The following SCGN variants were observed in gnomAD, a reference collection of about 807,000 sequenced individuals.
SCGN encodes secretagogin, EF-hand calcium binding protein.
Under a neutral mutation model 39.7 loss-of-function variants are expected in SCGN, and 30 were observed. The ratio of observed to expected loss-of-function variants is 0.76; its 90% CI spans 0.57 to 1.03. The LOEUF (loss-of-function observed/expected upper bound fraction) is 1.03. SCGN is among the 50% of genes least tolerant of loss of function. The pLI is 0.00. For missense variants in SCGN, 353 were observed against 349.4 expected (o/e 1.01, Z -0.08); for synonymous variants, 106 against 114.1 (o/e 0.93, Z 0.45).
intron 3 of SCGN, among the ~76,000 whole-genome samples, chr6:25,662,950 G>C (rs1347242812): frequency 1.3e-5 from 2 of 152,126 alleles, no homozygotes; most frequent in Non-Finnish European, 2.9e-5. Flanking sequence ...CCTAATTAAC[G>C]AATGAGAAAA....
intron 7 of SCGN, 75 bp from the exon 8 acceptor site, chr6:25,689,097 A>G: frequency 1.0e-6 from 1 of 1,001,826 alleles, no homozygotes; most frequent in South Asian, 1.5e-5. Context: ...TACTTTCCAC[A>G]CACCAGGGCT....
chr6:25,693,756 A>G (rs1020892773), intron 10 of SCGN, among the ~76,000 whole-genome samples: 6 of 152,212 alleles, frequency 3.9e-5, no homozygotes, highest in Non-Finnish European at 8.8e-5. Context: ...TACTATAGAA[A>G]AATGTTGAAA....
chr6:25,655,560 C>T (rs1048939448), intron 2 of SCGN, among the ~76,000 whole-genome samples: 1 of 152,164 alleles, frequency 6.6e-6, no homozygotes, highest in Non-Finnish European at 1.5e-5. Context: ...TGGTGTCCTG[C>T]GCAACTGCAT....
intron 1 of SCGN, among the ~76,000 whole-genome samples, chr6:25,652,915 C>T (rs1437325006): frequency 4.6e-5 from 7 of 152,058 alleles, no homozygotes; most frequent in Non-Finnish European, 8.8e-5. Flanking sequence ...TAAATTTTAT[C>T]AGCTTTCAAA....
chr6:25,700,465 A>G (rs558935760), intron 10 of SCGN, among the ~76,000 whole-genome samples: 1 of 152,234 alleles, frequency 6.6e-6, no homozygotes, highest in African/African-American at 2.4e-5. Flanking sequence ...GGACTGTTGG[A>G]CTATTCTTGG....
intron 7 of SCGN, among the ~76,000 whole-genome samples, chr6:25,685,435 T>G (rs956001471): frequency 6.6e-6 from 1 of 152,202 alleles, no homozygotes; most frequent in Non-Finnish European, 1.5e-5. Context: ...GCCTGGTGCC[T>G]GCAAATACTA....
intron 7 of SCGN, among the ~76,000 whole-genome samples, chr6:25,686,063 C>T (rs1759701989): frequency 6.6e-6 from 1 of 152,164 alleles, no homozygotes; most frequent in Admixed American, 6.5e-5. Flanking sequence ...CATGTTGTAA[C>T]TTTATCCCTT....
intron 2 of SCGN, among the ~76,000 whole-genome samples, chr6:25,659,396 A>C (rs538588112): frequency 1.3e-5 from 2 of 152,320 alleles, no homozygotes; most frequent in East Asian, 3.9e-4. Context: ...GGTGCGGTGG[A>C]AAGTGCACTA....
In SCGN at chr6:25,701,540, GT is replaced by G; in HGVS notation, c.*209del. The G allele has an allele frequency of 2.0e-6, 1 of 498,730 alleles. No individual in the cohort carries two copies. Among genetic ancestry groups the G allele is most frequent in the Non-Finnish European group, 3.3e-6 (1 of 298,802 alleles). 30.9% of individuals were successfully genotyped at this position (498,730 alleles called of 1,614,324 possible). On this transcript the variant is annotated 3_prime_UTR_variant, in exon 11 of 11. Coordinates refer to ENST00000377961, the MANE Select transcript of SCGN (RefSeq NM_006998.4). ...AAAGCCCCTGTGTAGTGTCTGTGTT[GT>G]TTTCCCTTGACCCTGGGCTTTCCTA... is the stretch of plus-strand genomic sequence containing the variant.
At chr6:25,696,846 G>A (rs533205458) in intron 10 of SCGN, among the ~76,000 whole-genome samples, 2 of 152,140 alleles carry the variant, frequency 1.3e-5, no homozygotes, top group Non-Finnish European at 2.9e-5. Flanking sequence ...GCATTATTAT[G>A]TTAGGGACTT....
intron 6 of SCGN, among the ~76,000 whole-genome samples, chr6:25,672,454 G>T (rs1389722074): frequency 1.3e-5 from 2 of 152,204 alleles, no homozygotes; most frequent in East Asian, 3.9e-4. Context: ...AGGGGACTGG[G>T]AAGAAGGGGT....
At chr6:25,685,995 C>G (rs1302474635) in intron 7 of SCGN, among the ~76,000 whole-genome samples, 1 of 152,166 alleles carries the variant, frequency 6.6e-6, no homozygotes, top group Non-Finnish European at 1.5e-5. Context: ...TGGAATCACA[C>G]AATATGTGCC....
intron 10 of SCGN, among the ~76,000 whole-genome samples, chr6:25,691,499 TATC>T (rs1465337855): frequency 6.6e-6 from 1 of 152,168 alleles, no homozygotes; most frequent in Non-Finnish European, 1.5e-5. Context: ...TAATAAAACT[TATC>T]TTCAGAATTC....
chr6:25,655,495 C>G (rs1282286681), intron 2 of SCGN, among the ~76,000 whole-genome samples: 1 of 152,170 alleles, frequency 6.6e-6, no homozygotes, highest in Non-Finnish European at 1.5e-5. Flanking sequence ...TGGACTAATG[C>G]TCTTACACAG....
At chr6:25,657,677 T>C (rs1420161414) in intron 2 of SCGN, among the ~76,000 whole-genome samples, 1 of 149,048 alleles carries the variant, frequency 6.7e-6, no homozygotes, top group Admixed American at 6.7e-5. Flanking sequence ...AATATATATA[T>C]TACGTGTATA....
chr6:25,700,896 T>G (rs1347195939), intron 10 of SCGN, among the ~76,000 whole-genome samples: 1 of 152,218 alleles, frequency 6.6e-6, no homozygotes, highest in Non-Finnish European at 1.5e-5. Context: ...ATGATCATAA[T>G]TGCCTACTTT....
At chr6:25,688,865 T>C (rs1487483512) in intron 7 of SCGN, among the ~76,000 whole-genome samples, 2 of 151,708 alleles carry the variant, frequency 1.3e-5, no homozygotes, top group East Asian at 1.9e-4. Flanking sequence ...ACTTTAATTA[T>C]TTTCCAGAGC....
chr6:25,698,539 G>A (rs1759866462), intron 10 of SCGN, among the ~76,000 whole-genome samples: 1 of 152,190 alleles, frequency 6.6e-6, no homozygotes, highest in Non-Finnish European at 1.5e-5. Context: ...CACTGAAGAT[G>A]CTGAAAAGCA....
chr6:25,668,877 C>T (rs1375941692), intron 4 of SCGN, among the ~76,000 whole-genome samples: 1 of 152,090 alleles, frequency 6.6e-6, no homozygotes, highest in Non-Finnish European at 1.5e-5. Flanking sequence ...TTTGGGAGGC[C>T]GAGGCGGGCG....
Sources: gnomAD v4.1 joint callset for allele counts (sites outside exome capture counted in the v4.1 genomes callset) on GRCh38, gnomAD v4.1.1 for gene constraint, MANE v1.5 for transcripts, NCBI Gene and HGNC (gene_info 2026-07-23, HGNC 2026-07-21) for gene names.